The following POM121 variants were observed in gnomAD, a reference collection of about 807,000 sequenced individuals.
POM121 encodes nuclear envelope pore membrane protein POM 121.
POM121 carries 32 observed loss-of-function variants against 81.3 expected under a neutral mutation model. The observed-to-expected ratio is 0.39, with a 90% CI of 0.30 to 0.53. The LOEUF is 0.53. Ranked by LOEUF, POM121 falls within the 20% of genes least tolerant of loss-of-function variation. The pLI is 0.66. For missense variants in POM121, 1,138 were observed against 1,614.6 expected, an observed-to-expected ratio of 0.70 and a Z score of 5.06; for synonymous variants, 514 against 694.2, an observed-to-expected ratio of 0.74 and a Z score of 4.08.
At position 72,928,452 on chromosome 7, in the gene POM121, T is replaced by G. The variant is rs782483548; in HGVS notation, c.1090T>G (p.Ser364Ala). Residue 364 changes from serine to alanine, a missense_variant, in exon 4 of 13, where the codon TCT becomes GCT. Around this residue, in one of 7 missense-constraint regions of POM121, gnomAD observed 646 missense variants for 633.5 expected, o/e 1.02. Transcript: ENST00000434423. ...EPLVANGVPA[S>A]FVPKPGSLKR... ...CCTGGTGGCCAATGGAGTCCCCGCTTCTTTTGTGCCTAAGTAAGTGGGAGT... is the reference window on the plus strand; with the variant it reads ...CCTGGTGGCCAATGGAGTCCCCGCTGCTTTTGTGCCTAAGTAAGTGGGAGT... 7.4e-6 allele frequency: 12 copies of G among 1,614,208 alleles called. No homozygotes were observed. The highest frequency in any genetic ancestry group is 1.6e-4 in the Middle Eastern group (1 of 6,062).
chr7:72,918,958 C>T lies in POM121; in HGVS notation c.-152+5130C>T, dbSNP rs182821455. On this transcript the variant is annotated intron_variant, in intron 4 of 15. Transcript: ENST00000395270. ...GATGACAGGCACCCGCCACCACACC[C>T]GGCTAATTTTTTGTATTTTTTTGGT... 7.6e-4 allele frequency among the ~76,000 whole-genome samples: 116 copies of T among 152,206 alleles called. 1 individual carries two copies. The highest frequency in any genetic ancestry group is 5.2e-3 in the Admixed American group (79 of 15,274).
At chr7:72,941,205 G>A (rs1191110953) in intron 10 of POM121, among the ~76,000 whole-genome samples, 9 of 151,754 alleles carry the variant, frequency 5.9e-5, no homozygotes, top group Non-Finnish European at 1.3e-4. Context: ...AGGATCTGAA[G>A]CCTGGCTCGT....
At chr7:72,908,773 G>A (rs1320035131) in intron 3 of POM121, among the ~76,000 whole-genome samples, 1 of 152,190 alleles carries the variant, frequency 6.6e-6, no homozygotes, top group Non-Finnish European at 1.5e-5. Context: ...TGAAAGAAGA[G>A]AAATATGGCT....
At position 72,946,552 on chromosome 7, in the gene POM121, G is replaced by T; in HGVS notation, c.*318G>T. On this transcript the variant is annotated 3_prime_UTR_variant, in exon 13 of 13. Coordinates refer to ENST00000434423, the MANE Select transcript of POM121 (RefSeq NM_001387691.1). ...CTGACTCCCGCTTAGCACACCCTTAGGCAGGCGCCCCTTCCACCTTTCCCC... is the reference window on the plus strand; with the variant it reads ...CTGACTCCCGCTTAGCACACCCTTATGCAGGCGCCCCTTCCACCTTTCCCC... The T allele has an allele frequency of 9.2e-7, 1 of 1,090,290 alleles. No homozygotes were observed. The highest frequency in any genetic ancestry group is 1.1e-6 in the Non-Finnish European group (1 of 897,148). The allele number at this position is 1,090,290 out of a possible 1,614,324, so 67.5% of individuals were successfully genotyped here. A position where few individuals can be genotyped will look rare whatever the true frequency, so the allele number is the denominator to read the frequency against.
At position 72,928,369 on chromosome 7, in the gene POM121, T is replaced by C; in HGVS notation, c.1023-16T>C. On this transcript the variant is annotated splice_polypyrimidine_tract_variant and intron_variant, in intron 3 of 12. Transcript: ENST00000434423. ...AAGTCATGTCATTTCATTGAGACTT[T>C]TTTGATTTGTCGCAGGCGCCATGAT... 1 of 1,614,166 alleles carries C rather than the reference T, an allele frequency of 6.2e-7. No individual in the cohort carries two copies. The highest frequency in any genetic ancestry group is 8.5e-7 in the Non-Finnish European group (1 of 1,180,000).
Position 72,938,712 on chromosome 7 carries a change from G to T in POM121, c.1367+31G>T, listed in dbSNP as rs1447617027. Reference sequence around the variant, plus strand: ...TGGCATTCTCCTGCAGTTTTCATTTGCTGCGTGGACAGGCGGGGGTGAGGA... The same window carrying T: ...TGGCATTCTCCTGCAGTTTTCATTTTCTGCGTGGACAGGCGGGGGTGAGGA... On this transcript the variant is annotated intron_variant, in intron 6 of 12. Coordinates refer to ENST00000434423, the MANE Select transcript of POM121 (RefSeq NM_001387691.1). 5.0e-5 allele frequency: 80 copies of T among 1,606,492 alleles called. 1 individual carries two copies. Among genetic ancestry groups the T allele is most frequent in the Non-Finnish European group, 6.6e-5 (78 of 1,173,122 alleles).
intron 4 of POM121, 90 bp from the exon 5 acceptor site, chr7:72,929,850 A>G: frequency 6.9e-7 from 1 of 1,448,108 alleles, no homozygotes; most frequent in Non-Finnish European, 9.2e-7. Context: ...TCTTCCCTTC[A>G]TGTTATTAAG....
At position 72,942,947 on chromosome 7, in the gene POM121, C is replaced by T. The variant is rs372474703; in HGVS notation, c.2954C>T (p.Pro985Leu). 1.2e-5 allele frequency: 20 copies of T among 1,605,054 alleles called. No homozygotes were observed. Among genetic ancestry groups the T allele is most frequent in the African/African-American group, 2.7e-5 (2 of 74,654 alleles). The change falls in exon 11 of 13, where the codon CCG becomes CTG. Residue 985 changes from proline (P) to leucine (L), a missense_variant. Physicochemically the swap from Pro to Leu is moderately conservative, Grantham distance 98 (BLOSUM62 -3). Coordinates refer to ENST00000434423, the MANE Select transcript of POM121 (RefSeq NM_001387691.1). ...AEGQPPGAAK[P>L]ALAPSFGSSF... ...GGGCAGCCACCGGGGGCCGCCAAGC[C>T]GGCCCTTGCCCCCAGCTTTGGCAGC...
upstream of POM121, chr7:72,925,063 C>T (rs1395589485): frequency 1.3e-5 from 18 of 1,356,006 alleles, no homozygotes; most frequent in Admixed American, 4.0e-5. Context: ...CGCGATGACG[C>T]GACGCGCGGC....
In POM121 at chr7:72,946,614, G is replaced by C. The variant is rs529276633; in HGVS notation, c.*380G>C. ...CGCTGGAGGGGGCAGGGTCCAGCCCGCCTGGATCGGTGGTGTGCACCTGAT... is the reference window on the plus strand; with the variant it reads ...CGCTGGAGGGGGCAGGGTCCAGCCCCCCTGGATCGGTGGTGTGCACCTGAT... On this transcript the variant is annotated 3_prime_UTR_variant, in exon 13 of 13. Transcript: ENST00000434423. 9.8e-7 allele frequency: 1 copy of C among 1,018,222 alleles called. No individual in the cohort carries two copies. Among genetic ancestry groups the C allele is most frequent in the Non-Finnish European group, 1.2e-6 (1 of 851,466 alleles). 63.1% of individuals were successfully genotyped at this position (1,018,222 alleles called of 1,614,324 possible).
At position 72,942,158 on chromosome 7, in the gene POM121, C is replaced by T; in HGVS notation, c.2165C>T (p.Ser722Phe). 1 of 1,608,542 alleles carries T rather than the reference C, an allele frequency of 6.2e-7. No homozygotes were observed. The highest frequency in any genetic ancestry group is 8.5e-7 in the Non-Finnish European group (1 of 1,179,788). ...TCCAGCCCTGCCGCCCCTGCTGCAT[C>T]TTCAGCACCTCCCATGTTCAAGCCC... ...SPSSPAAPAA[S>F]SAPPMFKPIF... Residue 722 changes from serine (S) to phenylalanine (F), a missense_variant, in exon 11 of 13, where the codon TCT becomes TTT. This residue lies in a region of POM121 where 37 missense variants were observed against 62.8 expected (regional missense o/e 0.59). Coordinates refer to ENST00000434423, the MANE Select transcript of POM121 (RefSeq NM_001387691.1).
chr7:72,933,328 G>A (rs1796205619), intron 5 of POM121, among the ~76,000 whole-genome samples: 1 of 152,158 alleles, frequency 6.6e-6, no homozygotes, highest in South Asian at 2.1e-4. Flanking sequence ...CCTCCAGCCT[G>A]GACGACAGAG....
chr7:72,910,382 A>G (rs1793685973), intron 3 of POM121, among the ~76,000 whole-genome samples: 1 of 152,226 alleles, frequency 6.6e-6, no homozygotes, highest in Non-Finnish European at 1.5e-5. Flanking sequence ...AATGTACACG[A>G]CGTTATATTA....
rs1554496747 is a variant in POM121, at chr7:72,925,109, G to T, written c.-13G>T. ...CTGGGATATTTAAGTCTCCTCCGCG[G>T]CGCGGAGCCGCGATGTCTCCGGCGG... is the stretch of plus-strand genomic sequence containing the variant. On this transcript the variant is annotated 5_prime_UTR_variant, in exon 1 of 13. Transcript: ENST00000434423. The T allele has an allele frequency of 4.3e-6, 6 of 1,401,874 alleles. No individual in the cohort carries two copies. In the Admixed American group the frequency reaches 1.5e-4, roughly 35 times the overall value. The allele number at this position is 1,401,874 out of a possible 1,614,324, so 86.8% of individuals were successfully genotyped here.
intron 3 of POM121, among the ~76,000 whole-genome samples, chr7:72,899,265 G>A (rs1303049289): frequency 2.6e-5 from 4 of 152,042 alleles, no homozygotes; most frequent in Admixed American, 6.6e-5. Flanking sequence ...GAGTACAGGC[G>A]TGAGCCACAG....
At chr7:72,901,604 C>T (rs1157797272) in intron 3 of POM121, among the ~76,000 whole-genome samples, 25 of 152,038 alleles carry the variant, frequency 1.6e-4, no homozygotes, top group Admixed American at 1.2e-3. Context: ...CCACCTGCCT[C>T]GGCCTCCCAA....
chr7:72,899,309 C>CT (rs1554492266), intron 3 of POM121, among the ~76,000 whole-genome samples: 2 of 151,924 alleles, frequency 1.3e-5, no homozygotes. Flanking sequence ...CTGATACCCG[C>CT]AGCACATTTC....
At chr7:72,935,254 C>T (rs1796399446) in intron 5 of POM121, among the ~76,000 whole-genome samples, 1 of 151,968 alleles carries the variant, frequency 6.6e-6, no homozygotes, top group Non-Finnish European at 1.5e-5. Flanking sequence ...CTCACTACTG[C>T]CTTGAACTCC....
intron 7 of POM121, among the ~76,000 whole-genome samples, 164 bp from the exon 8 acceptor site, chr7:72,939,683 G>A (rs1394880727): frequency 6.6e-6 from 1 of 152,174 alleles, no homozygotes; most frequent in Non-Finnish European, 1.5e-5. Context: ...GTTTGTGTGC[G>A]CGCCTTAATC....
Sources: gnomAD v4.1 joint callset for allele counts (sites outside exome capture counted in the v4.1 genomes callset) on GRCh38, gnomAD v4.1.1 for gene constraint, gnomAD v4.1.1 regional missense constraint, MANE v1.5 for transcripts, NCBI Gene and HGNC (gene_info 2026-07-23, HGNC 2026-07-21) for gene names.